NIF3L1: variants seen among roughly 807,000 people sequenced by gnomAD.
NIF3L1 encodes the protein NIF3-like protein 1.
In NIF3L1, 26 loss-of-function variants were observed where a neutral mutation model predicts 35.0. The ratio of observed to expected loss-of-function variants is 0.74; its 90% CI spans 0.54 to 1.03. NIF3L1 has a LOEUF of 1.03. Ranked by LOEUF, NIF3L1 falls within the 50% of genes least tolerant of loss-of-function variation. NIF3L1 has a pLI of 0.00. For synonymous variants in NIF3L1, 157 were observed against 178.9 expected (o/e 0.88, Z 0.98); for missense variants, 449 against 466.3 (o/e 0.96, Z 0.34).
intron 6 of NIF3L1, 25 bp downstream of exon 6, chr2:200,899,493 T>G: frequency 1.2e-6 from 2 of 1,603,500 alleles, no homozygotes; most frequent in Middle Eastern, 1.7e-4. Flanking sequence ...GGATCTCTCT[T>G]GGTTTATTTT....
intron 6 of NIF3L1, 73 bp from the exon 7 acceptor site, chr2:200,903,421 T>C: frequency 8.1e-7 from 1 of 1,231,668 alleles, no homozygotes; most frequent in Non-Finnish European, 1.2e-6. Context: ...ACTTGGTATT[T>C]CTGCTTTTGT....
Position 200,892,305 on chromosome 2 carries a change from T to C in NIF3L1, c.362T>C (p.Val121Ala), listed in dbSNP as rs1448924083. The stretch of plus-strand genomic sequence containing the variant: ...GTGATCCGGGCTCTGGAGAACAGAG[T>C]CGGTATCTACTCTCCTCATACAGCC... ...RLVIRALENRVGIYSPHTAYD... is the reference protein window; with the variant it reads ...RLVIRALENRAGIYSPHTAYD... The change falls in exon 2 of 7, where the codon GTC (valine) becomes GCC (alanine). Residue 121 changes from valine (V) to alanine (A), a missense_variant. Transcript: ENST00000409020. 6.2e-7 allele frequency: 1 copy of C among 1,613,528 alleles called. No homozygotes were observed. The highest frequency in any genetic ancestry group is 1.3e-5 in the African/African-American group (1 of 74,858).
chr2:200,903,372 C>G (rs989770173), intron 6 of NIF3L1, 122 bp from the exon 7 acceptor site: 1 of 744,688 alleles, frequency 1.3e-6, no homozygotes. Context: ...ATATGTAAAA[C>G]AGTTCTGCTC....
At chr2:200,890,954 CTT>C (rs58191528) in intron 1 of NIF3L1, among the ~76,000 whole-genome samples, 21 of 137,006 alleles carry the variant, frequency 1.5e-4, no homozygotes, top group Non-Finnish European at 1.7e-4. Flanking sequence ...TTTAAACATT[CTT>C]TTTTTTTTTT....
At position 200,891,951 on chromosome 2, in the gene NIF3L1, C is replaced by T; in HGVS notation, c.8C>T (p.Ser3Leu). Residue 3 changes from serine to leucine, a missense_variant, in exon 2 of 7, where the codon TCA becomes TTA. Physicochemically the swap from Ser to Leu is moderately radical, Grantham distance 145. Coordinates refer to ENST00000409020, the MANE Select transcript of NIF3L1 (RefSeq NM_001369441.2). ...ACTTTACCTGATTTCTGTATGTTGT[C>T]ATCTTGCGTACGCCCAGTCCCCACG... ML[S>L]SCVRPVPTTV... 2 of 1,602,934 alleles carry T rather than the reference C, an allele frequency of 1.2e-6. No individual in the cohort carries two copies. Among genetic ancestry groups the T allele is most frequent in the Non-Finnish European group, 8.5e-7 (1 of 1,173,354 alleles).
chr2:200,900,590 G>T (rs2040396788), intron 6 of NIF3L1, among the ~76,000 whole-genome samples: 1 of 152,154 alleles, frequency 6.6e-6, no homozygotes, highest in South Asian at 2.1e-4. Flanking sequence ...GTACCGAGGA[G>T]CAGCATCTGA....
intron 3 of NIF3L1, among the ~76,000 whole-genome samples, chr2:200,894,802 C>G (rs1456942301): frequency 6.6e-6 from 1 of 151,270 alleles, no homozygotes; most frequent in Non-Finnish European, 1.5e-5. Flanking sequence ...TGTTGAACTC[C>G]TGGGCTCAAG....
At chr2:200,893,594 C>T (rs539772747) in intron 3 of NIF3L1, among the ~76,000 whole-genome samples, 186 bp downstream of exon 3, 2 of 152,162 alleles carry the variant, frequency 1.3e-5, no homozygotes, top group South Asian at 2.1e-4. Flanking sequence ...ACAATAAAAA[C>T]GGTAAGTAAC....
rs779106168 is a variant in NIF3L1, at chr2:200,903,521, A to T, written c.977A>T (p.Asp326Val). Residue 326 changes from aspartate to valine, a missense_variant, in exon 7 of 7, where the codon GAT becomes GTT. Asp to Val is a radical substitution (Grantham distance 152). Coordinates refer to ENST00000409020, the MANE Select transcript of NIF3L1 (RefSeq NM_001369441.2). ...GAGATGTCCCATCATGATACTTTGG[A>T]TGCTGCTTCCCAAGGAATAAATGTC... ...TGEMSHHDTL[D>V]AASQGINVIL... 1 of 1,613,992 alleles carries T rather than the reference A, an allele frequency of 6.2e-7. No homozygotes were observed. Among genetic ancestry groups the T allele is most frequent in the Non-Finnish European group, 8.5e-7 (1 of 1,179,894 alleles).
intron 5 of NIF3L1, among the ~76,000 whole-genome samples, chr2:200,897,694 TA>T (rs2124892306): frequency 6.6e-6 from 1 of 152,322 alleles, no homozygotes; most frequent in South Asian, 2.1e-4. Flanking sequence ...AGACTGGTAA[TA>T]TTTTCTAGTG....
chr2:200,891,826 A>G (rs1334385819), intron 1 of NIF3L1, 92 bp from the exon 2 acceptor site: 1 of 749,294 alleles, frequency 1.3e-6, no homozygotes, highest in Non-Finnish European at 2.2e-6. Flanking sequence ...CCAGATCTCT[A>G]TGACGACAGC....
chr2:200,889,831 G>A (rs2040131292), intron 1 of NIF3L1, among the ~76,000 whole-genome samples, 179 bp downstream of exon 1: 1 of 152,228 alleles, frequency 6.6e-6, no homozygotes, highest in Non-Finnish European at 1.5e-5. Flanking sequence ...TCATTTACCT[G>A]CTGTTGCACA....
In NIF3L1 at chr2:200,903,652, GA is replaced by G. The variant is rs2040447977; in HGVS notation, c.1109del (p.Asp370AlafsTer29). ...NKINIILSET[D>X]RDPLQVV Reference sequence around the variant, plus strand: ...GATAAATATTATCCTATCAGAGACTGACAGGGACCCTCTTCAGGTGGTATAA... The same window carrying G: ...GATAAATATTATCCTATCAGAGACTGCAGGGACCCTCTTCAGGTGGTATAA... On this transcript the variant is annotated frameshift_variant, in exon 7 of 7. Transcript: ENST00000409020. LOFTEE classifies it high-confidence loss of function. 2 of 1,613,884 alleles carry G rather than the reference GA, an allele frequency of 1.2e-6. No individual in the cohort carries two copies. The highest frequency in any genetic ancestry group is 4.5e-5 in the East Asian group (2 of 44,876).
chr2:200,893,902 C>T (rs1234904021), intron 3 of NIF3L1, among the ~76,000 whole-genome samples: 1 of 152,112 alleles, frequency 6.6e-6, no homozygotes, highest in Non-Finnish European at 1.5e-5. Flanking sequence ...AGGCTGGGCA[C>T]GGTGGCTCAC....
At chr2:200,890,324 AC>A (rs1245922007) in intron 1 of NIF3L1, among the ~76,000 whole-genome samples, 2 of 152,136 alleles carry the variant, frequency 1.3e-5, no homozygotes, top group African/African-American at 4.8e-5. Flanking sequence ...ACGCCACTGC[AC>A]TCCAGCCTAG....
intron 3 of NIF3L1, among the ~76,000 whole-genome samples, chr2:200,895,035 G>A (rs2124885261): frequency 6.6e-6 from 1 of 152,258 alleles, no homozygotes; most frequent in South Asian, 2.1e-4. Context: ...CTCCAGGGGT[G>A]GGGCCCAGCA....
chr2:200,891,709 G>A, intron 1 of NIF3L1: 2 of 548,498 alleles, frequency 3.6e-6, no homozygotes, highest in Non-Finnish European at 6.5e-6. Flanking sequence ...GGCCTGTGAA[G>A]TGGGTTATAG....
chr2:200,894,809 C>G (rs990505360), intron 3 of NIF3L1, among the ~76,000 whole-genome samples: 1 of 151,304 alleles, frequency 6.6e-6, no homozygotes, highest in Non-Finnish European at 1.5e-5. Context: ...CTCCTGGGCT[C>G]AAGTGACCCG....
In NIF3L1 at chr2:200,893,347, G is replaced by T; in HGVS notation, c.538G>T (p.Asp180Tyr). 3.1e-6 allele frequency: 5 copies of T among 1,613,790 alleles called. No individual in the cohort carries two copies. Among genetic ancestry groups the T allele is most frequent in the Non-Finnish European group, 4.2e-6 (5 of 1,179,832 alleles). ...EFNVNYTQDL[D>Y]KVMSAVKGID... The stretch of plus-strand genomic sequence containing the variant: ...CAACGTTAACTACACCCAAGACCTG[G>T]ACAAAGTCATGTCTGCAGTGAAAGG... The change falls in exon 3 of 7, where the codon GAC (aspartate) becomes TAC (tyrosine). Residue 180 changes from aspartate to tyrosine, a missense_variant. Physicochemically the swap from Asp to Tyr is radical, Grantham distance 160. Transcript: ENST00000409020.
Sources: allele counts gnomAD v4.1 joint callset (sites outside exome capture counted in the v4.1 genomes callset), GRCh38; gene constraint gnomAD v4.1.1; transcripts MANE v1.5; gene names NCBI Gene and HGNC (gene_info 2026-07-23, HGNC 2026-07-21).